Variants in FOCAD observed in about 807,000 individuals in gnomAD.
FOCAD encodes focadhesin, also known as KIAA1797.
In FOCAD, 198 loss-of-function variants were observed where a neutral mutation model predicts 225.6. The observed-to-expected ratio is 0.88, with a 90% CI of 0.78 to 0.99. FOCAD has a LOEUF of 0.99. FOCAD is among the 50% of genes least tolerant of loss of function. The pLI, the probability that FOCAD is intolerant of heterozygous loss-of-function variation, is 0.00. For synonymous variants in FOCAD, 897 were observed against 755.0 expected (o/e 1.19, Z -3.08); for missense variants, 2,713 against 2,123.6 (o/e 1.28, Z -5.46).
At chr9:20,843,346 C>T (rs1291952570) in intron 15 of FOCAD, among the ~76,000 whole-genome samples, 1 of 151,868 alleles carries the variant, frequency 6.6e-6, no homozygotes, top group Admixed American at 6.6e-5. Context: ...TTTTCTCTTT[C>T]GTATTTGAAG....
chr9:20,719,765 C>G (rs1385993999), intron 3 of FOCAD, among the ~76,000 whole-genome samples: 1 of 127,114 alleles, frequency 7.9e-6, no homozygotes, highest in Non-Finnish European at 1.7e-5. Flanking sequence ...CTTGGGCAAA[C>G]AGTTTTCCTA....
chr9:20,717,349 G>C lies in FOCAD; in HGVS notation c.58-445G>C, dbSNP rs917556973. 1.1e-4 allele frequency among the ~76,000 whole-genome samples: 16 copies of C among 152,234 alleles called. 1 individual carries two copies. The highest frequency in any genetic ancestry group is 1.5e-5 in the Non-Finnish European group (1 of 68,036). On this transcript the variant is annotated intron_variant, in intron 2 of 43. Transcript: ENST00000338382. Reference sequence around the variant, plus strand: ...TCCAACCCGTACACAGAATGGCAATGATTGTTGCTAGCCTATTGGCTCTAA... The same window carrying C: ...TCCAACCCGTACACAGAATGGCAATCATTGTTGCTAGCCTATTGGCTCTAA...
intron 42 of FOCAD, 114 bp downstream of exon 42, chr9:20,990,488 C>A: frequency 7.8e-7 from 1 of 1,276,960 alleles, no homozygotes; most frequent in South Asian, 1.5e-5. Flanking sequence ...CACAGACTTT[C>A]CTACCCAGCC....
At chr9:20,786,018 T>C (rs1284490899) in intron 10 of FOCAD, among the ~76,000 whole-genome samples, 3 of 152,198 alleles carry the variant, frequency 2.0e-5, no homozygotes, top group East Asian at 3.8e-4. Context: ...TTAAAATACT[T>C]ATTTTACAAG....
rs994844705 is a variant in FOCAD, at chr9:20,988,358, T to C, written c.4933T>C (p.Leu1645=). 5.6e-6 allele frequency: 9 copies of C among 1,611,540 alleles called. No individual in the cohort carries two copies. Among genetic ancestry groups the C allele is most frequent in the Non-Finnish European group, 7.6e-6 (9 of 1,178,502 alleles). ...CGTTTTGAAGAGAATGGAGTGGCTC[T>C]TGGAACTGATGGGTTATATTAGAAA... is the stretch of plus-strand genomic sequence containing the variant. ...TGVLKRMEWL[L]ELMGYIRNVA... is the part of the protein sequence containing the mutation. Residue 1645 remains leucine, a synonymous_variant, in exon 41 of 44, where the codon TTG becomes CTG. Transcript: ENST00000338382.
chr9:20,722,747 G>A (rs1586942721), intron 4 of FOCAD, among the ~76,000 whole-genome samples: 1 of 152,258 alleles, frequency 6.6e-6, no homozygotes, highest in South Asian at 2.1e-4. Flanking sequence ...AGATTTTTAT[G>A]TGTCTCTTGT....
At chr9:20,970,118 G>C (rs1839633708) in intron 35 of FOCAD, among the ~76,000 whole-genome samples, 1 of 151,768 alleles carries the variant, frequency 6.6e-6, no homozygotes, top group Non-Finnish European at 1.5e-5. Flanking sequence ...TCTCTTTGCT[G>C]CTTTCAAGAT....
rs368731522 is a variant in FOCAD, at chr9:20,757,270, T to C, written c.393-820T>C. Among the ~76,000 whole-genome samples, 267 of 152,340 alleles carry C rather than the reference T, an allele frequency of 1.8e-3. 6 individuals carry two copies. The South Asian group carries it at 0.053, about 30-fold the overall frequency. On this transcript the variant is annotated intron_variant, in intron 5 of 43. Coordinates refer to ENST00000338382, the MANE Select transcript of FOCAD (RefSeq NM_001375567.1). ...TATTTTCTTGGAGGAAAAAGCCACATAAATAATAGCTAAAAATTGTATAGT... is the reference window on the plus strand; with the variant it reads ...TATTTTCTTGGAGGAAAAAGCCACACAAATAATAGCTAAAAATTGTATAGT...
chr9:20,672,087 A>G (rs1002975013), intron 2 of FOCAD, among the ~76,000 whole-genome samples: 1 of 152,088 alleles, frequency 6.6e-6, no homozygotes, highest in Non-Finnish European at 1.5e-5. Context: ...ATAGGGAACC[A>G]TACTCTACTT....
chr9:20,982,995 G>GC (rs1352644404), intron 39 of FOCAD, among the ~76,000 whole-genome samples: 1 of 152,188 alleles, frequency 6.6e-6, no homozygotes, highest in Non-Finnish European at 1.5e-5. Context: ...AGAACTGTGA[G>GC]CTCCCTTATA....
At chr9:20,784,023 A>G (rs1206667213) in intron 10 of FOCAD, among the ~76,000 whole-genome samples, 2 of 152,200 alleles carry the variant, frequency 1.3e-5, no homozygotes, top group East Asian at 3.9e-4. Flanking sequence ...AGACCAAGGC[A>G]GAGTTCCCAA....
chr9:20,779,697 C>G (rs1819170182), intron 9 of FOCAD, among the ~76,000 whole-genome samples: 1 of 151,946 alleles, frequency 6.6e-6, no homozygotes, highest in South Asian at 2.1e-4. Flanking sequence ...TTGTAGTGAG[C>G]CGAGATCGCG....
intron 15 of FOCAD, among the ~76,000 whole-genome samples, chr9:20,823,587 A>G (rs1002210163): frequency 1.3e-5 from 2 of 152,034 alleles, no homozygotes; most frequent in African/African-American, 4.8e-5. Flanking sequence ...CTTGTAAATC[A>G]TTTTCTGAAC....
chr9:20,663,765 C>G (rs147336649), intron 2 of FOCAD, among the ~76,000 whole-genome samples: 3 of 152,318 alleles, frequency 2.0e-5, no homozygotes, highest in Non-Finnish European at 4.4e-5. Flanking sequence ...CTTTCCTTTT[C>G]AGACTTCTGC....
chr9:20,766,395 C>T (rs1468051292), intron 7 of FOCAD, among the ~76,000 whole-genome samples: 1 of 152,290 alleles, frequency 6.6e-6, no homozygotes, highest in East Asian at 1.9e-4. Context: ...CCATTTACCA[C>T]TCAATACAGA....
intron 1 of FOCAD, among the ~76,000 whole-genome samples, chr9:20,685,196 A>ATTTTTTTTTTTTTTTTTT (rs397959541): frequency 1.5e-4 from 21 of 143,090 alleles, no homozygotes; most frequent in South Asian, 2.2e-4. Context: ...TGAGTTGGAA[A>ATTTTTTTTTTTTTTTTTT]TTTTTTTTTT....
At chr9:20,992,472 G>C (rs1049241475) in intron 42 of FOCAD, among the ~76,000 whole-genome samples, 1 of 152,174 alleles carries the variant, frequency 6.6e-6, no homozygotes, top group African/African-American at 2.4e-5. Context: ...GAACCAGGTG[G>C]GAGGCAGCAT....
intron 15 of FOCAD, 95 bp from the exon 16 acceptor site, chr9:20,862,483 T>C: frequency 1.4e-6 from 2 of 1,383,960 alleles, no homozygotes; most frequent in East Asian, 4.8e-5. Flanking sequence ...ATTTGTTTCT[T>C]AAGTTTCCTT....
intron 15 of FOCAD, among the ~76,000 whole-genome samples, chr9:20,830,931 G>A (rs1825424082): frequency 6.6e-6 from 1 of 152,018 alleles, no homozygotes; most frequent in Admixed American, 6.6e-5. Context: ...TCTCACCTTG[G>A]CCTCCCAAAG....
Sources: gnomAD v4.1 joint callset for allele counts (sites outside exome capture counted in the v4.1 genomes callset) on GRCh38, gnomAD v4.1.1 for gene constraint, MANE v1.5 for transcripts, NCBI Gene and HGNC (gene_info 2026-07-23, HGNC 2026-07-21) for gene names.